Variants in MYO5B observed in about 807,000 individuals in gnomAD.
The protein encoded by MYO5B is unconventional myosin-Vb.
A neutral mutation model predicts 229.3 loss-of-function variants in MYO5B; 143 were observed. The observed-to-expected ratio is 0.62, with a 90% CI of 0.54 to 0.72. The LOEUF (loss-of-function observed/expected upper bound fraction) is 0.72. Ranked by LOEUF, MYO5B falls within the 30% of genes least tolerant of loss-of-function variation. MYO5B has a pLI of 0.00. For missense variants in MYO5B, 2,321 were observed against 2,331.0 expected (o/e 1.00, Z 0.09); for synonymous variants, 918 against 885.2 (o/e 1.04, Z -0.66).
chr18:49,857,481 C>T (rs557097869), intron 29 of MYO5B, among the ~76,000 whole-genome samples: 2 of 152,286 alleles, frequency 1.3e-5, no homozygotes, highest in Admixed American at 1.3e-4. Context: ...CTTTTCAATG[C>T]AGATCTTTCT....
At chr18:50,130,391 T>A (rs2032236221) in intron 1 of MYO5B, among the ~76,000 whole-genome samples, 1 of 152,230 alleles carries the variant, frequency 6.6e-6, no homozygotes, top group African/African-American at 2.4e-5. Flanking sequence ...ATCAGATGGC[T>A]TATGCCTGAG....
chr18:49,945,925 T>C (rs1011742299), intron 14 of MYO5B, among the ~76,000 whole-genome samples: 2 of 152,160 alleles, frequency 1.3e-5, no homozygotes, highest in Admixed American at 6.5e-5. Flanking sequence ...GAAGATGCCA[T>C]TGTGATTCAT....
intron 25 of MYO5B, among the ~76,000 whole-genome samples, chr18:49,876,045 T>G (rs2024518541): frequency 6.6e-6 from 1 of 152,214 alleles, no homozygotes; most frequent in South Asian, 2.1e-4. Context: ...AACATCTGAG[T>G]CTCAGCCATT....
intron 1 of MYO5B, chr18:50,097,358 T>A (rs544784680): frequency 1.0e-4 from 46 of 444,494 alleles, no homozygotes; most frequent in South Asian, 6.3e-4. Context: ...TTCTTTTGAT[T>A]CCCAGTCCAA....
At chr18:49,897,547 A>C (rs967992127) in intron 21 of MYO5B, among the ~76,000 whole-genome samples, 1 of 152,234 alleles carries the variant, frequency 6.6e-6, no homozygotes, top group Non-Finnish European at 1.5e-5. Context: ...GCACATCATG[A>C]AGAATGGGAT....
intron 14 of MYO5B, among the ~76,000 whole-genome samples, chr18:49,943,842 C>G (rs563040571): frequency 6.3e-4 from 96 of 152,162 alleles, no homozygotes; most frequent in African/African-American, 2.2e-3. Flanking sequence ...AACAAAGATG[C>G]GACTAAATCG....
At chr18:50,152,610 A>G (rs946638865) in intron 1 of MYO5B, among the ~76,000 whole-genome samples, 5 of 152,224 alleles carry the variant, frequency 3.3e-5, no homozygotes, top group East Asian at 1.9e-4. Context: ...GCTTTGCCAC[A>G]TAAGAACTAC....
chr18:49,890,863 TA>T (rs1262987455), intron 22 of MYO5B, among the ~76,000 whole-genome samples: 3 of 152,238 alleles, frequency 2.0e-5, no homozygotes, highest in Admixed American at 6.5e-5. Context: ...ATTTGTTTTT[TA>T]AAGTAGTGAT....
intron 5 of MYO5B, among the ~76,000 whole-genome samples, chr18:50,000,978 G>C (rs1179310979): frequency 2.0e-5 from 3 of 152,218 alleles, no homozygotes; most frequent in Non-Finnish European, 4.4e-5. Flanking sequence ...AACAGAGGTG[G>C]AGGAGGTGGG....
intron 5 of MYO5B, among the ~76,000 whole-genome samples, chr18:49,997,095 G>GT (rs1335503708): frequency 1.3e-5 from 2 of 151,928 alleles, no homozygotes; most frequent in African/African-American, 4.8e-5. Flanking sequence ...GCAAGACCCT[G>GT]TCTCTACTGA....
At chr18:49,998,352 T>C (rs796449623) in intron 5 of MYO5B, among the ~76,000 whole-genome samples, 20 of 152,290 alleles carry the variant, frequency 1.3e-4, no homozygotes, top group African/African-American at 4.8e-4. Flanking sequence ...TACATGACCA[T>C]GTAAGATTAA....
In MYO5B at chr18:50,001,321, G is replaced by C; in HGVS notation, c.546C>G (p.Thr182=). The change falls in exon 5 of 40, where the codon ACC becomes ACG. Residue 182 remains threonine, a synonymous_variant. Transcript: ENST00000285039. ...TGGTTTCACTGGCCGAGCCACCAACGGTGGCGAAATAGCGCATGGCATACT... is the reference window on the plus strand; with the variant it reads ...TGGTTTCACTGGCCGAGCCACCAACCGTGGCGAAATAGCGCATGGCATACT... ...SAKYAMRYFA[T]VGGSASETNI... is the part of the protein sequence containing the mutation. 1 of 1,614,204 alleles carries C rather than the reference G, an allele frequency of 6.2e-7. No homozygotes were observed. The highest frequency in any genetic ancestry group is 8.5e-7 in the Non-Finnish European group (1 of 1,180,028).
rs769427830 is a variant in MYO5B at position 49,906,587 on chromosome 18, C to G, written c.2246G>C (p.Arg749Pro). 3 of 1,614,068 alleles carry G rather than the reference C, an allele frequency of 1.9e-6. No homozygotes were observed. The highest frequency in any genetic ancestry group is 4.5e-5 in the East Asian group (2 of 44,882). Residue 749 changes from arginine to proline, a missense_variant, in exon 19 of 40, where the codon CGA becomes CCA. Coordinates refer to ENST00000285039, the MANE Select transcript of MYO5B (RefSeq NM_001080467.3). ...CTCCAGGTAGGCCACCTGGCCTGCT[C>G]GAAAGAAGATCTTGGTGCGGCCAAA... ...FQFGRTKIFFRAGQVAYLEKL... is the reference protein window; with the variant it reads ...FQFGRTKIFFPAGQVAYLEKL...
chr18:50,185,830 C>T (rs1375435627), intron 1 of MYO5B, among the ~76,000 whole-genome samples: 1 of 141,962 alleles, frequency 7.0e-6, no homozygotes, highest in South Asian at 2.2e-4. Context: ...CTTGTGCAGC[C>T]ATTAAAAATG....
At chr18:49,886,146 G>A (rs1476815191) in intron 22 of MYO5B, among the ~76,000 whole-genome samples, 1 of 152,132 alleles carries the variant, frequency 6.6e-6, no homozygotes, top group Non-Finnish European at 1.5e-5. Flanking sequence ...TGCCATGTTG[G>A]CCAGGTTGGT....
At chr18:50,182,798 G>C (rs1218114025) in intron 1 of MYO5B, among the ~76,000 whole-genome samples, 2 of 152,168 alleles carry the variant, frequency 1.3e-5, no homozygotes, top group Admixed American at 1.3e-4. Context: ...TTGGTGAGGA[G>C]AGGACTTTCC....
intron 33 of MYO5B, among the ~76,000 whole-genome samples, chr18:49,844,949 G>A (rs972415518): frequency 1.2e-4 from 19 of 152,168 alleles, no homozygotes; most frequent in Admixed American, 7.9e-4. Flanking sequence ...GTAGGTGGTC[G>A]GCAGTCAAGT....
At chr18:49,968,701 T>C (rs371554848) in intron 10 of MYO5B, among the ~76,000 whole-genome samples, 1 of 151,860 alleles carries the variant, frequency 6.6e-6, no homozygotes, top group Admixed American at 6.6e-5. Context: ...TGTCATGCTT[T>C]AAGGCCCAGG....
Position 49,875,784 on chromosome 18 carries a change from A to T in MYO5B, c.3440T>A (p.Leu1147Gln). The T allele has an allele frequency of 3.1e-6, 5 of 1,614,124 alleles. No homozygotes were observed. The highest frequency in any genetic ancestry group is 4.2e-6 in the Non-Finnish European group (5 of 1,180,002). ...EKAAMDMTVF[L>Q]KLQKRVRELE... The stretch of plus-strand genomic sequence containing the variant: ...CTCCCGTACTCTCTTCTGCAGCTTC[A>T]GGAAGACCGTCATGTCCATGGCTGC... Residue 1147 changes from leucine to glutamine, a missense_variant, in exon 26 of 40, where the codon CTG becomes CAG. Around this residue, in one of 2 missense-constraint regions of MYO5B, gnomAD observed 2,113 missense variants for 2,044.7 expected, o/e 1.03. Transcript: ENST00000285039.
Sources: allele counts gnomAD v4.1 joint callset (sites outside exome capture counted in the v4.1 genomes callset), GRCh38; gene constraint gnomAD v4.1.1; regional missense constraint gnomAD v4.1.1; transcripts MANE v1.5; gene names NCBI Gene and HGNC (gene_info 2026-07-23, HGNC 2026-07-21).